The following SPATA17 variants were observed in gnomAD, a reference collection of about 807,000 sequenced individuals.
SPATA17 encodes the protein spermatogenesis associated 17, also known as spermatogenesis-associated protein 17.
A neutral mutation model predicts 62.2 loss-of-function variants in SPATA17; 53 were observed. The ratio of observed to expected loss-of-function variants is 0.85; its 90% CI spans 0.68 to 1.07. SPATA17 has a LOEUF of 1.07. SPATA17 is among the 50% of genes least tolerant of loss of function. The pLI, the probability that SPATA17 is intolerant of heterozygous loss-of-function variation, is 0.00. For missense variants in SPATA17, 466 were observed against 425.5 expected (o/e 1.10, Z -0.84); for synonymous variants, 146 against 146.8 (o/e 0.99, Z 0.04).
intron 8 of SPATA17, among the ~76,000 whole-genome samples, chr1:217,795,362 CTTT>C (rs71560537): frequency 7.2e-5 from 5 of 69,550 alleles, no homozygotes; most frequent in Admixed American, 2.1e-4. Flanking sequence ...ACAAAAGTCT[CTTT>C]TTTTTTTTTT....
At chr1:217,738,674 G>C (rs540559612) in intron 5 of SPATA17, among the ~76,000 whole-genome samples, 3 of 152,152 alleles carry the variant, frequency 2.0e-5, no homozygotes, top group African/African-American at 7.2e-5. Context: ...GCTCTTGGCC[G>C]GGTGCGATGG....
At chr1:217,863,978 C>A in intron 10 of SPATA17, among the ~76,000 whole-genome samples, 1 of 152,314 alleles carries the variant, frequency 6.6e-6, no homozygotes, top group East Asian at 1.9e-4. Flanking sequence ...TTATGTTACT[C>A]TTTCCTCTCT....
chr1:217,643,092 T>G (rs1292265900), intron 1 of SPATA17, among the ~76,000 whole-genome samples: 19 of 152,202 alleles, frequency 1.2e-4, no homozygotes, highest in African/African-American at 4.8e-5. Flanking sequence ...TTTCTCTACC[T>G]ATTGATGAAC....
intron 5 of SPATA17, among the ~76,000 whole-genome samples, chr1:217,738,501 T>C (rs1460476218): frequency 6.6e-6 from 1 of 152,220 alleles, no homozygotes; most frequent in East Asian, 1.9e-4. Flanking sequence ...TTTTGAGTAC[T>C]TTACATTGAT....
rs145054170 is a variant in SPATA17 at position 217,767,907 on chromosome 1, C to T, written c.520-6427C>T. The stretch of plus-strand genomic sequence containing the variant: ...ACAGAGGCTGCATCTTCAAGTTTCA[C>T]ACACTAGTATGGCTTGCTTCAGGCT... On this transcript the variant is annotated intron_variant, in intron 6 of 10. Transcript: ENST00000366933. Among the ~76,000 whole-genome samples the T allele has an allele frequency of 3.9e-5, 6 of 152,274 alleles. No individual in the cohort carries two copies. In the East Asian group the frequency reaches 1.2e-3, roughly 29 times the overall value.
At chr1:217,770,374 A>C (rs2102969307) in intron 6 of SPATA17, among the ~76,000 whole-genome samples, 1 of 152,318 alleles carries the variant, frequency 6.6e-6, no homozygotes, top group South Asian at 2.1e-4. Context: ...CTGAATACTT[A>C]ATCATTCTTC....
At chr1:217,744,789 A>G (rs2102950478) in intron 6 of SPATA17, among the ~76,000 whole-genome samples, 1 of 152,248 alleles carries the variant, frequency 6.6e-6, no homozygotes, top group Non-Finnish European at 1.5e-5. Flanking sequence ...CTCTCCCACT[A>G]AGGGTAATAT....
chr1:217,862,376 G>C (rs1040277760), intron 9 of SPATA17, among the ~76,000 whole-genome samples: 1 of 152,128 alleles, frequency 6.6e-6, no homozygotes, highest in African/African-American at 2.4e-5. Context: ...CTATGATAGT[G>C]ATTTGGCTGT....
At chr1:217,726,479 C>T (rs1318279218) in intron 5 of SPATA17, among the ~76,000 whole-genome samples, 1 of 152,162 alleles carries the variant, frequency 6.6e-6, no homozygotes, top group African/African-American at 2.4e-5. Context: ...TCTTTATAAA[C>T]CCTCTTGGCT....
intron 5 of SPATA17, among the ~76,000 whole-genome samples, chr1:217,710,960 G>T (rs766493288): frequency 3.9e-5 from 6 of 152,008 alleles, no homozygotes; most frequent in African/African-American, 7.3e-5. Context: ...TGTTTTCAAG[G>T]TTCATCCATG....
rs751320443 is a variant in SPATA17, at chr1:217,871,336, G to A, written c.*4317G>A. The A allele has an allele frequency of 2.6e-5, 4 of 151,572 alleles. No individual in the cohort carries two copies. Among genetic ancestry groups the A allele is most frequent in the Non-Finnish European group, 4.4e-5 (3 of 67,876 alleles). The allele number at this position is 151,572 out of a possible 1,614,324, so 9.4% of individuals were successfully genotyped here. The stretch of plus-strand genomic sequence containing the variant: ...TATGGCCTACCTGTTACAGCTGCAC[G>A]GTATCCATTTTCTGTGCTAAATTCA... On this transcript the variant is annotated 3_prime_UTR_variant, in exon 11 of 11. Coordinates refer to ENST00000366933, the MANE Select transcript of SPATA17 (RefSeq NM_138796.4).
intron 5 of SPATA17, among the ~76,000 whole-genome samples, chr1:217,714,440 A>T (rs1671949792): frequency 1.3e-5 from 2 of 151,908 alleles, no homozygotes; most frequent in Non-Finnish European, 2.9e-5. Flanking sequence ...AAAAGGAAAA[A>T]ATTCAGGACA....
chr1:217,869,250 T>TG lies in SPATA17; in HGVS notation c.*2233dup, dbSNP rs1246664802. 6.6e-6 allele frequency: 1 copy of TG among 152,300 alleles called. No individual in the cohort carries two copies. The highest frequency in any genetic ancestry group is 1.5e-5 in the Non-Finnish European group (1 of 68,162). The allele number at this position is 152,300 out of a possible 1,614,324, so 9.4% of individuals were successfully genotyped here. A position where few individuals can be genotyped will look rare whatever the true frequency, so the allele number is the denominator to read the frequency against. On this transcript the variant is annotated 3_prime_UTR_variant, in exon 11 of 11. Transcript: ENST00000366933. ...GTGGGAGATGCTTCCAGGTCATAGTTGGAGTCAAAGACTTTCCAATTGGCA... is the reference window on the plus strand; with the variant it reads ...GTGGGAGATGCTTCCAGGTCATAGTTGGGAGTCAAAGACTTTCCAATTGGCA...
intron 6 of SPATA17, among the ~76,000 whole-genome samples, chr1:217,747,124 A>G (rs1672777646): frequency 6.6e-6 from 1 of 152,134 alleles, no homozygotes; most frequent in Admixed American, 6.5e-5. Flanking sequence ...ATTTTGGTTG[A>G]TTTGGATAAA....
chr1:217,719,987 G>A (rs756277290), intron 5 of SPATA17, among the ~76,000 whole-genome samples: 1 of 152,180 alleles, frequency 6.6e-6, no homozygotes, highest in African/African-American at 2.4e-5. Flanking sequence ...ACCTTTGTTG[G>A]AGTATGAGCA....
chr1:217,785,598 ACT>A (rs1673841027), intron 8 of SPATA17, among the ~76,000 whole-genome samples: 1 of 152,116 alleles, frequency 6.6e-6, no homozygotes. Context: ...GGGAATTATA[ACT>A]CAACATGAGA....
intron 5 of SPATA17, among the ~76,000 whole-genome samples, chr1:217,736,708 G>T (rs1034254693): frequency 6.6e-6 from 1 of 152,184 alleles, no homozygotes; most frequent in African/African-American, 2.4e-5. Context: ...GGTTTGTATT[G>T]TGTGTTAGTT....
intron 3 of SPATA17, among the ~76,000 whole-genome samples, chr1:217,665,926 T>A (rs1173918369): frequency 2.0e-5 from 3 of 152,212 alleles, no homozygotes; most frequent in African/African-American, 4.8e-5. Context: ...AATGTTCAAA[T>A]GCTATTTTTT....
intron 6 of SPATA17, among the ~76,000 whole-genome samples, chr1:217,742,917 C>T (rs1352737455): frequency 6.6e-6 from 1 of 151,002 alleles, no homozygotes; most frequent in East Asian, 1.9e-4. Context: ...GGCCCCAAGA[C>T]CAAATGTCAT....
Sources: gnomAD v4.1 joint callset for allele counts (sites outside exome capture counted in the v4.1 genomes callset) on GRCh38, gnomAD v4.1.1 for gene constraint, MANE v1.5 for transcripts, NCBI Gene and HGNC (gene_info 2026-07-23, HGNC 2026-07-21) for gene names.